FSTL5: variants seen among roughly 807,000 people sequenced by gnomAD.
The protein encoded by FSTL5 is follistatin-related protein 5.
FSTL5 carries 62 observed loss-of-function variants against 89.1 expected under a neutral mutation model. That is an observed-to-expected ratio of 0.70 (90% CI 0.57 to 0.86). FSTL5 has a LOEUF of 0.86. FSTL5 is among the 40% of genes least tolerant of loss of function. The probability of loss-of-function intolerance (pLI) is 0.00; values close to 1 mark genes in which losing one functional copy is unlikely to be tolerated. For missense variants in FSTL5, 1,057 were observed against 1,001.6 expected, an observed-to-expected ratio of 1.06 and a Z score of -0.75; for synonymous variants, 383 against 346.2, an observed-to-expected ratio of 1.11 and a Z score of -1.18.
chr4:161,476,345 G>A (rs554493574), intron 13 of FSTL5, among the ~76,000 whole-genome samples: 6 of 151,674 alleles, frequency 4.0e-5, no homozygotes, highest in Admixed American at 1.3e-4. Context: ...GCGCCACCAC[G>A]CCTGGCTAAT....
chr4:161,580,038 CTTCAGT>C (rs1474620536), intron 8 of FSTL5, among the ~76,000 whole-genome samples: 1 of 152,042 alleles, frequency 6.6e-6, no homozygotes, highest in Non-Finnish European at 1.5e-5. Context: ...ACTTTAATCT[CTTCAGT>C]TTTATTTCTC....
intron 15 of FSTL5, chr4:161,387,468 C>A (rs9308031): frequency 2.0e-5 from 3 of 151,654 alleles, no homozygotes; most frequent in Non-Finnish European, 2.9e-5. Flanking sequence ...TAAAGAGAGC[C>A]AATTATGTTA....
In FSTL5 at chr4:161,686,333, TATATATATA is replaced by T. The variant is rs1385830381; in HGVS notation, c.728-29848_728-29840del. On this transcript the variant is annotated intron_variant, in intron 6 of 15. Coordinates refer to ENST00000306100, the MANE Select transcript of FSTL5 (RefSeq NM_020116.5). ...ATATATATATATATATATATATATA[TATATATATA>T]TATATTTTTTTTTTTTTTTTTTTTT... 5.1e-3 allele frequency among the ~76,000 whole-genome samples: 44 copies of T among 8,682 alleles called. 2 individuals are homozygous for T. The highest frequency in any genetic ancestry group is 6.8e-3 in the Non-Finnish European group (31 of 4,568). The allele number at this position is 8,682 out of a possible 152,430, so 5.7% of individuals were successfully genotyped here.
intron 4 of FSTL5, among the ~76,000 whole-genome samples, chr4:161,859,010 G>A (rs564369836): frequency 1.3e-5 from 2 of 152,152 alleles, no homozygotes; most frequent in Admixed American, 6.5e-5. Context: ...CTCAGTAGAC[G>A]TCTTATGTGG....
At chr4:161,797,897 A>G (rs1729681267) in intron 4 of FSTL5, among the ~76,000 whole-genome samples, 1 of 151,676 alleles carries the variant, frequency 6.6e-6, no homozygotes, top group Non-Finnish European at 1.5e-5. Context: ...TTTCATTTTG[A>G]CCCATGAATG....
At chr4:161,406,586 G>A (rs1291357892) in intron 15 of FSTL5, among the ~76,000 whole-genome samples, 1 of 152,118 alleles carries the variant, frequency 6.6e-6, no homozygotes, top group Non-Finnish European at 1.5e-5. Flanking sequence ...ACAGTCTGGA[G>A]TTTTGATCCA....
At chr4:161,633,471 C>T (rs556574581) in intron 7 of FSTL5, among the ~76,000 whole-genome samples, 30 of 151,854 alleles carry the variant, frequency 2.0e-4, no homozygotes, top group African/African-American at 7.0e-4. Context: ...CTCAGCCTCC[C>T]GAGTAGCTGA....
chr4:162,075,029 C>T (rs1163202598), intron 2 of FSTL5, among the ~76,000 whole-genome samples: 1 of 151,588 alleles, frequency 6.6e-6, no homozygotes, highest in Non-Finnish European at 1.5e-5. Flanking sequence ...TAACCACAAC[C>T]CCAAGCCCAC....
At chr4:161,628,650 T>C (rs1026875358) in intron 7 of FSTL5, among the ~76,000 whole-genome samples, 3 of 152,210 alleles carry the variant, frequency 2.0e-5, no homozygotes, top group Non-Finnish European at 1.5e-5. Context: ...TAAATCCCAA[T>C]GAAATTTAGG....
chr4:161,516,893 C>T (rs886908286), intron 10 of FSTL5, among the ~76,000 whole-genome samples: 1 of 151,742 alleles, frequency 6.6e-6, no homozygotes, highest in African/African-American at 2.4e-5. Flanking sequence ...TACCAGAAAT[C>T]TCCACCTAGT....
At chr4:161,457,748 A>G (rs1397451027) in intron 14 of FSTL5, among the ~76,000 whole-genome samples, 1 of 152,272 alleles carries the variant, frequency 6.6e-6, no homozygotes, top group Non-Finnish European at 1.5e-5. Flanking sequence ...AATCATATAT[A>G]TATTGACCTG....
At chr4:162,068,191 G>GA (rs1338313093) in intron 2 of FSTL5, among the ~76,000 whole-genome samples, 1 of 151,972 alleles carries the variant, frequency 6.6e-6, no homozygotes, top group African/African-American at 2.4e-5. Flanking sequence ...CACAGAATTA[G>GA]AAAAAACTAT....
At chr4:161,919,692 G>A (rs1380358912) in intron 4 of FSTL5, among the ~76,000 whole-genome samples, 4 of 151,990 alleles carry the variant, frequency 2.6e-5, no homozygotes, top group South Asian at 2.1e-4. Flanking sequence ...GACTATAAAC[G>A]AGAAAATATT....
chr4:161,505,318 T>C (rs1032060232), intron 11 of FSTL5, among the ~76,000 whole-genome samples: 2 of 152,172 alleles, frequency 1.3e-5, no homozygotes, highest in African/African-American at 4.8e-5. Flanking sequence ...AGCAAAATCA[T>C]ACCATTGCAC....
At chr4:161,486,143 CAAAAA>C (rs1278214856) in intron 12 of FSTL5, among the ~76,000 whole-genome samples, 1 of 76,166 alleles carries the variant, frequency 1.3e-5, no homozygotes, top group Non-Finnish European at 2.7e-5. Flanking sequence ...GACTCCGTCT[CAAAAA>C]AAAAAAAAAA....
chr4:161,982,342 A>G (rs1047614815), intron 3 of FSTL5, among the ~76,000 whole-genome samples: 1 of 152,190 alleles, frequency 6.6e-6, no homozygotes, highest in Admixed American at 6.5e-5. Context: ...TTCATAGGAA[A>G]TTGAAACCAA....
Position 161,859,010 on chromosome 4 carries a change from G to T in FSTL5, c.409+61394C>A, listed in dbSNP as rs564369836. Among the ~76,000 whole-genome samples the T allele has an allele frequency of 2.1e-4, 32 of 152,270 alleles. No homozygotes were observed. The South Asian group carries it at 6.6e-3, about 32-fold the overall frequency. ...TCACTGGGAAAATGTCTCAGTAGACGTCTTATGTGGTCCTGGTCAGGTCTC... is the reference window on the plus strand; with the variant it reads ...TCACTGGGAAAATGTCTCAGTAGACTTCTTATGTGGTCCTGGTCAGGTCTC... On this transcript the variant is annotated intron_variant, in intron 4 of 15. Coordinates refer to ENST00000306100, the MANE Select transcript of FSTL5 (RefSeq NM_020116.5).
chr4:161,583,044 A>G (rs1046930962), intron 8 of FSTL5, among the ~76,000 whole-genome samples: 1 of 152,002 alleles, frequency 6.6e-6, no homozygotes, highest in Admixed American at 6.6e-5. Context: ...ATAAAATAAA[A>G]TAAAAAAAGT....
At chr4:161,522,160 G>C (rs1297151978) in intron 10 of FSTL5, among the ~76,000 whole-genome samples, 3 of 152,224 alleles carry the variant, frequency 2.0e-5, no homozygotes, top group Middle Eastern at 6.8e-3. Context: ...ACTGAAACAA[G>C]GGCAGAACAA....
Sources: allele counts gnomAD v4.1 joint callset (sites outside exome capture counted in the v4.1 genomes callset), GRCh38; gene constraint gnomAD v4.1.1; transcripts MANE v1.5; gene names NCBI Gene and HGNC (gene_info 2026-07-23, HGNC 2026-07-21).